The following CLMP variants were observed in gnomAD, a reference collection of about 807,000 sequenced individuals.
CLMP encodes CXADR-like membrane protein.
In CLMP, 27 loss-of-function variants were observed where a neutral mutation model predicts 45.2. That is an observed-to-expected ratio of 0.60 (90% confidence interval 0.44 to 0.82). The LOEUF is 0.82. CLMP is among the 40% of genes least tolerant of loss of function. The pLI is 0.00. For synonymous variants in CLMP, 167 were observed against 171.4 expected (o/e 0.97, Z 0.20); for missense variants, 403 against 448.4 (o/e 0.90, Z 0.91).
At chr11:123,140,257 G>C (rs1460566649) in intron 1 of CLMP, among the ~76,000 whole-genome samples, 2 of 152,176 alleles carry the variant, frequency 1.3e-5, no homozygotes, top group Non-Finnish European at 2.9e-5. Flanking sequence ...AGGGTTACTA[G>C]TAGGAGGAGG....
At chr11:123,090,579 G>A (rs1865920105) in intron 2 of CLMP, among the ~76,000 whole-genome samples, 2 of 152,084 alleles carry the variant, frequency 1.3e-5, no homozygotes, top group Admixed American at 6.6e-5. Flanking sequence ...CTATAAAAGG[G>A]GGCTGCGTTA....
At chr11:123,150,113 G>A (rs916554707) in intron 1 of CLMP, among the ~76,000 whole-genome samples, 1 of 151,426 alleles carries the variant, frequency 6.6e-6, no homozygotes, top group African/African-American at 2.4e-5. Context: ...ACTCTGAAAG[G>A]TTTCTCAGAA....
chr11:123,170,527 C>T (rs555693171), intron 1 of CLMP, among the ~76,000 whole-genome samples: 5 of 151,524 alleles, frequency 3.3e-5, no homozygotes, highest in Non-Finnish European at 7.4e-5. Context: ...GCAACCTCCA[C>T]CTCCCAGGAT....
intron 1 of CLMP, among the ~76,000 whole-genome samples, chr11:123,145,882 C>T (rs1168005388): frequency 6.6e-6 from 1 of 152,234 alleles, no homozygotes; most frequent in Non-Finnish European, 1.5e-5. Flanking sequence ...GCGCCATCTG[C>T]TACTTTACTT....
intron 1 of CLMP, among the ~76,000 whole-genome samples, chr11:123,126,848 G>T (rs1371676798): frequency 6.6e-6 from 1 of 151,636 alleles, no homozygotes; most frequent in East Asian, 1.9e-4. Context: ...AGTGAACCAG[G>T]ATGGCGCTAC....
At chr11:123,083,311 A>T (rs1340786069) in intron 4 of CLMP, 104 bp from the exon 5 acceptor site, 4 of 1,133,010 alleles carry the variant, frequency 3.5e-6, no homozygotes, top group Admixed American at 2.2e-5. Context: ...ATGCTATTTG[A>T]TAAGAATGAA....
intron 2 of CLMP, among the ~76,000 whole-genome samples, chr11:123,093,123 G>T (rs1393543998): frequency 6.7e-6 from 1 of 150,148 alleles, no homozygotes; most frequent in Non-Finnish European, 1.5e-5. Flanking sequence ...GGTCAGGTTG[G>T]TCTCAAACTC....
intron 1 of CLMP, chr11:123,136,023 G>C: frequency 1.7e-6 from 1 of 578,180 alleles, no homozygotes; most frequent in Non-Finnish European, 3.4e-6. Flanking sequence ...GTTGATTTCC[G>C]GTGCTGCTTT....
intron 1 of CLMP, among the ~76,000 whole-genome samples, chr11:123,163,320 T>C (rs986849389): frequency 5.3e-5 from 8 of 152,164 alleles, no homozygotes; most frequent in Non-Finnish European, 1.2e-4. Context: ...GGGGAAGTCA[T>C]ACTTTAGAAA....
intron 1 of CLMP, among the ~76,000 whole-genome samples, chr11:123,118,122 T>C (rs1860741442): frequency 1.3e-5 from 2 of 152,152 alleles, no homozygotes; most frequent in South Asian, 4.1e-4. Context: ...TCGCAAAGAC[T>C]GCAATAAACT....
intron 2 of CLMP, among the ~76,000 whole-genome samples, chr11:123,086,190 G>A (rs189616712): frequency 5.3e-5 from 8 of 152,302 alleles, no homozygotes; most frequent in African/African-American, 1.9e-4. Flanking sequence ...GGGATTACAG[G>A]TGTGAGCCAC....
intron 1 of CLMP, among the ~76,000 whole-genome samples, chr11:123,176,669 C>T (rs1420088746): frequency 6.6e-6 from 1 of 152,182 alleles, no homozygotes; most frequent in Non-Finnish European, 1.5e-5. Flanking sequence ...CAGAAGCAGC[C>T]TTACCAGTGA....
chr11:123,102,285 T>G (rs1250067631), intron 1 of CLMP, among the ~76,000 whole-genome samples: 1 of 142,478 alleles, frequency 7.0e-6, no homozygotes. Context: ...CCAGGTTTTT[T>G]TTTTTTTTTT....
At chr11:123,103,234 C>A (rs557458031) in intron 1 of CLMP, among the ~76,000 whole-genome samples, 1 of 152,302 alleles carries the variant, frequency 6.6e-6, no homozygotes, top group East Asian at 1.9e-4. Context: ...TAAGAAGGAG[C>A]TCTGGCTTAA....
intron 1 of CLMP, among the ~76,000 whole-genome samples, chr11:123,111,312 G>A (rs985796835): frequency 2.6e-5 from 4 of 152,066 alleles, no homozygotes; most frequent in Non-Finnish European, 5.9e-5. Flanking sequence ...TGTGTTTTTA[G>A]TAGAGACGGA....
chr11:123,137,232 C>T (rs1861088737), intron 1 of CLMP, among the ~76,000 whole-genome samples: 1 of 139,824 alleles, frequency 7.2e-6, no homozygotes, highest in African/African-American at 2.7e-5. Flanking sequence ...CGGCTCACTG[C>T]AAGCTCCGCC....
chr11:123,085,205 A>G (rs930174111), intron 2 of CLMP, among the ~76,000 whole-genome samples: 1 of 138,194 alleles, frequency 7.2e-6, no homozygotes, highest in African/African-American at 2.7e-5. Flanking sequence ...TTTTTTAAGT[A>G]TTTGAGAGAC....
intron 1 of CLMP, among the ~76,000 whole-genome samples, chr11:123,098,402 A>G (rs1426394537): frequency 6.6e-6 from 1 of 151,702 alleles, no homozygotes; most frequent in Non-Finnish European, 1.5e-5. Context: ...TAATTTTTGT[A>G]TTTTTAGTAG....
chr11:123,101,213 AT>A (rs1348167261), intron 1 of CLMP, among the ~76,000 whole-genome samples: 1 of 152,184 alleles, frequency 6.6e-6, no homozygotes, highest in Non-Finnish European at 1.5e-5. Context: ...GGTTCAAGGC[AT>A]TCTCCTGTCT....
Sources: allele counts gnomAD v4.1 joint callset (sites outside exome capture counted in the v4.1 genomes callset), GRCh38; gene constraint gnomAD v4.1.1; transcripts MANE v1.5; gene names NCBI Gene and HGNC (gene_info 2026-07-23, HGNC 2026-07-21).